The following RANBP17 variants were observed in gnomAD, a reference collection of about 807,000 sequenced individuals.
RANBP17 encodes ran-binding protein 17.
A neutral mutation model predicts 141.2 loss-of-function variants in RANBP17; 158 were observed. That is an observed-to-expected ratio of 1.12 (90% CI 0.98 to 1.28). RANBP17 has a LOEUF of 1.28. Ranked by LOEUF, RANBP17 falls within the 50% of genes most tolerant of loss-of-function variation. RANBP17 has a pLI of 0.00. For missense variants in RANBP17, 1,438 were observed against 1,290.7 expected, an observed-to-expected ratio of 1.11 and a Z score of -1.75; for synonymous variants, 430 against 450.0, an observed-to-expected ratio of 0.96 and a Z score of 0.56.
In RANBP17 at chr5:171,240,991, G is replaced by A. The variant is rs754249105; in HGVS notation, c.2486G>A (p.Gly829Asp). Residue 829 changes from glycine (G) to aspartate (D), a missense_variant, in exon 23 of 28, where the codon GGC (glycine) becomes GAC (aspartate). Transcript: ENST00000523189. ...KDQIYPMKLKGISICYSALKS... is the reference protein window; with the variant it reads ...KDQIYPMKLKDISICYSALKS... ...CAGATTTATCCAATGAAACTCAAGG[G>A]CATCTCCATCTGCTATTCAGCTCTC... The A allele has an allele frequency of 2.5e-6, 4 of 1,613,934 alleles. No homozygotes were observed. The South Asian group carries it at 3.3e-5, about 13-fold the overall frequency.
chr5:170,935,550 G>C (rs1773797226), intron 12 of RANBP17, among the ~76,000 whole-genome samples: 2 of 152,166 alleles, frequency 1.3e-5, no homozygotes, highest in South Asian at 4.1e-4. Context: ...TCAGCTGCAG[G>C]TCTGTTGGAG....
chr5:171,110,973 C>A (rs1050271910), intron 14 of RANBP17, among the ~76,000 whole-genome samples: 2 of 151,708 alleles, frequency 1.3e-5, no homozygotes, highest in Admixed American at 1.3e-4. Flanking sequence ...AACTCGTCAT[C>A]TAGCATTAGG....
At chr5:171,044,338 A>ACATTAAAGTCATATATATTT in intron 14 of RANBP17, among the ~76,000 whole-genome samples, 1 of 152,154 alleles carries the variant, frequency 6.6e-6, no homozygotes, top group African/African-American at 2.4e-5. Context: ...TTTTAATATA[A>ACATTAAAGTCATATATATTT]CATTAAAGTC....
At chr5:171,005,091 T>C (rs1046216235) in intron 14 of RANBP17, among the ~76,000 whole-genome samples, 1 of 152,150 alleles carries the variant, frequency 6.6e-6, no homozygotes, top group Non-Finnish European at 1.5e-5. Context: ...AGCTTTTTTC[T>C]AATGTCAGGA....
At chr5:170,996,909 T>G (rs1437063722) in intron 14 of RANBP17, among the ~76,000 whole-genome samples, 1 of 152,282 alleles carries the variant, frequency 6.6e-6, no homozygotes, top group African/African-American at 2.4e-5. Context: ...TTCAGTGTGA[T>G]GTGTCTAGAA....
chr5:171,147,012 A>G (rs946737719), intron 14 of RANBP17, among the ~76,000 whole-genome samples: 9 of 152,204 alleles, frequency 5.9e-5, no homozygotes, highest in African/African-American at 1.9e-4. Flanking sequence ...ATTAGTAAAT[A>G]TGTGTAAATT....
intron 20 of RANBP17, among the ~76,000 whole-genome samples, chr5:171,211,403 AG>A (rs1762876647): frequency 6.6e-6 from 1 of 152,158 alleles, no homozygotes; most frequent in South Asian, 2.1e-4. Context: ...CTGGGATTAC[AG>A]GCGAGCGCCA....
rs1770701841 is a variant in RANBP17 at position 170,902,174 on chromosome 5, T to C, written c.489+6059T>C. ...CAGGTACACCAATCAAACATAGGTT[T>C]GGCCTTTTCACATAGTCCCATATTT... is the stretch of plus-strand genomic sequence containing the variant. On this transcript the variant is annotated intron_variant, in intron 5 of 27. Transcript: ENST00000523189. 2.6e-5 allele frequency among the ~76,000 whole-genome samples: 4 copies of C among 152,230 alleles called. No individual in the cohort carries two copies. In the South Asian group the frequency reaches 6.2e-4, roughly 24 times the overall value.
intron 12 of RANBP17, among the ~76,000 whole-genome samples, chr5:170,943,538 A>T (rs1040796092): frequency 6.6e-6 from 1 of 152,162 alleles, no homozygotes; most frequent in Non-Finnish European, 1.5e-5. Flanking sequence ...AAAATGTTCT[A>T]TGTTTGAACA....
intron 14 of RANBP17, among the ~76,000 whole-genome samples, chr5:171,140,955 T>C (rs1244825309): frequency 6.6e-6 from 1 of 152,152 alleles, no homozygotes; most frequent in Admixed American, 6.6e-5. Context: ...TTATGAAAAT[T>C]GAATGAATTA....
intron 14 of RANBP17, among the ~76,000 whole-genome samples, chr5:171,061,743 G>T (rs983733241): frequency 6.6e-6 from 1 of 152,102 alleles, no homozygotes; most frequent in Admixed American, 6.6e-5. Context: ...TCATTGATCT[G>T]TCTAATGTTG....
chr5:171,184,317 G>A (rs1761082215), intron 18 of RANBP17, among the ~76,000 whole-genome samples: 1 of 152,302 alleles, frequency 6.6e-6, no homozygotes, highest in East Asian at 1.9e-4. Flanking sequence ...AAGGAAAAAT[G>A]TCTGCCATTT....
chr5:171,238,367 A>T (rs1331148686), intron 22 of RANBP17, among the ~76,000 whole-genome samples: 1 of 114,320 alleles, frequency 8.7e-6, no homozygotes, highest in Non-Finnish European at 1.8e-5. Flanking sequence ...TAACATAGAG[A>T]TAACAGTTAT....
chr5:171,286,053 A>G (rs572189337), intron 25 of RANBP17, among the ~76,000 whole-genome samples: 1 of 152,322 alleles, frequency 6.6e-6, no homozygotes, highest in African/African-American at 2.4e-5. Flanking sequence ...CAGCAAAACT[A>G]GGTTGTGTTT....
At chr5:171,187,619 T>C (rs1387167277) in intron 18 of RANBP17, among the ~76,000 whole-genome samples, 1 of 152,170 alleles carries the variant, frequency 6.6e-6, no homozygotes, top group Non-Finnish European at 1.5e-5. Context: ...ATTTTTTCTA[T>C]TTCTGATCAT....
chr5:170,965,106 G>A (rs995685283), intron 13 of RANBP17, among the ~76,000 whole-genome samples: 12 of 152,156 alleles, frequency 7.9e-5, no homozygotes, highest in Admixed American at 1.3e-4. Context: ...GGTGTGAGAT[G>A]GTATCTCATT....
intron 19 of RANBP17, among the ~76,000 whole-genome samples, chr5:171,199,989 T>C (rs1455464709): frequency 1.3e-5 from 2 of 152,210 alleles, no homozygotes; most frequent in African/African-American, 4.8e-5. Flanking sequence ...AGTCAGTTCA[T>C]GATAAGATGA....
At chr5:171,078,551 G>T (rs1183077428) in intron 14 of RANBP17, among the ~76,000 whole-genome samples, 2 of 152,182 alleles carry the variant, frequency 1.3e-5, no homozygotes, top group Non-Finnish European at 2.9e-5. Context: ...TCAATGCCTG[G>T]CTTGAAAGCT....
chr5:170,985,579 A>G (rs1198201588), intron 14 of RANBP17, among the ~76,000 whole-genome samples: 2 of 152,186 alleles, frequency 1.3e-5, no homozygotes, highest in Non-Finnish European at 2.9e-5. Context: ...CCAAAGGGTG[A>G]AATCCCTTGT....
Sources: gnomAD v4.1 joint callset for allele counts (sites outside exome capture counted in the v4.1 genomes callset) on GRCh38, gnomAD v4.1.1 for gene constraint, MANE v1.5 for transcripts, NCBI Gene and HGNC (gene_info 2026-07-23, HGNC 2026-07-21) for gene names.